Variants in TMEFF2 observed in about 807,000 individuals in gnomAD.
TMEFF2 encodes transmembrane protein with EGF like and two follistatin like domains 2.
TMEFF2 carries 28 observed loss-of-function variants against 53.8 expected under a neutral mutation model. That is an observed-to-expected ratio of 0.52 (90% CI 0.39 to 0.71). The LOEUF (loss-of-function observed/expected upper bound fraction) is 0.71, where lower values mean the gene tolerates loss of function less well. Ranked by LOEUF, TMEFF2 falls within the 30% of genes least tolerant of loss-of-function variation. The pLI, the probability that TMEFF2 is intolerant of heterozygous loss-of-function variation, is 0.00. For missense variants in TMEFF2, 353 were observed against 455.2 expected, an observed-to-expected ratio of 0.78 and a Z score of 2.04; for synonymous variants, 162 against 166.3, an observed-to-expected ratio of 0.97 and a Z score of 0.20.
intron 7 of TMEFF2, among the ~76,000 whole-genome samples, chr2:191,963,711 A>G (rs1574247956): frequency 6.6e-6 from 1 of 152,214 alleles, no homozygotes; most frequent in Non-Finnish European, 1.5e-5. Context: ...GTCTGGCACT[A>G]TGCTATGTGT....
intron 4 of TMEFF2, among the ~76,000 whole-genome samples, chr2:192,175,077 A>G (rs893599102): frequency 3.3e-5 from 5 of 151,786 alleles, no homozygotes; most frequent in African/African-American, 9.7e-5. Context: ...TGCTCAGAAG[A>G]GAATTTACAT....
At chr2:191,986,477 A>G (rs1271401609) in intron 7 of TMEFF2, among the ~76,000 whole-genome samples, 2 of 152,186 alleles carry the variant, frequency 1.3e-5, no homozygotes, top group Non-Finnish European at 2.9e-5. Context: ...ATGAATTTTC[A>G]TCATTCTAAT....
chr2:192,096,381 T>G (rs1688903775), intron 4 of TMEFF2, among the ~76,000 whole-genome samples: 1 of 152,260 alleles, frequency 6.6e-6, no homozygotes, highest in East Asian at 1.9e-4. Context: ...GGTACTATTA[T>G]AAGAGGTTTC....
At chr2:192,171,450 A>G (rs942222442) in intron 4 of TMEFF2, among the ~76,000 whole-genome samples, 1 of 151,920 alleles carries the variant, frequency 6.6e-6, no homozygotes, top group African/African-American at 2.4e-5. Flanking sequence ...TTCTAAAATC[A>G]CCAGTCAGAT....
At chr2:192,017,364 A>G (rs1489073465) in intron 5 of TMEFF2, among the ~76,000 whole-genome samples, 1 of 152,194 alleles carries the variant, frequency 6.6e-6, no homozygotes, top group African/African-American at 2.4e-5. Flanking sequence ...AGAGTTGCCT[A>G]TTTTAGAAGT....
chr2:192,046,418 G>A (rs954793246), intron 5 of TMEFF2, among the ~76,000 whole-genome samples: 5 of 152,032 alleles, frequency 3.3e-5, no homozygotes, highest in Non-Finnish European at 7.4e-5. Context: ...GTAACACCAG[G>A]TAGGTGACAC....
In TMEFF2 at chr2:192,021,424, CAA is replaced by C. The variant is rs1450833067; in HGVS notation, c.537-22218_537-22217del. On this transcript the variant is annotated intron_variant, in intron 5 of 9. Coordinates refer to ENST00000272771, the MANE Select transcript of TMEFF2 (RefSeq NM_016192.4). ...GAAAATGAGAAGATATAGAAAAAGA[CAA>C]AGGGTGAAACAGACACAAGAGAATT... Among the ~76,000 whole-genome samples the C allele has an allele frequency of 2.0e-5, 3 of 151,848 alleles. No individual in the cohort carries two copies. In the South Asian group the frequency reaches 6.3e-4, roughly 32 times the overall value.
At position 192,182,644 on chromosome 2, in the gene TMEFF2, T is replaced by C. The variant is rs141469327; in HGVS notation, c.412+1710A>G. Among the ~76,000 whole-genome samples the C allele has an allele frequency of 2.5e-3, 379 of 152,062 alleles. 3 individuals are homozygous for C. The highest frequency in any genetic ancestry group is 8.4e-3 in the African/African-American group (350 of 41,520). On this transcript the variant is annotated intron_variant, in intron 3 of 9. Transcript: ENST00000272771. ...AAGAGAGATTTTGCTACATTGGCCA[T>C]AACCGTAACTTCTGGTCTGTTTATT...
At chr2:192,070,011 T>TGTCTTC (rs1334084517) in intron 4 of TMEFF2, among the ~76,000 whole-genome samples, 2 of 19,934 alleles carry the variant, frequency 1.0e-4, no homozygotes. Context: ...TATATATATA[T>TGTCTTC]ATATATATAT....
At chr2:192,085,421 C>T (rs1320137401) in intron 4 of TMEFF2, among the ~76,000 whole-genome samples, 5 of 152,108 alleles carry the variant, frequency 3.3e-5, no homozygotes, top group Non-Finnish European at 5.9e-5. Flanking sequence ...ATTTTCTGCA[C>T]ATCAAACAGC....
At chr2:192,019,429 CA>C (rs528237961) in intron 5 of TMEFF2, among the ~76,000 whole-genome samples, 3 of 150,588 alleles carry the variant, frequency 2.0e-5, no homozygotes, top group Non-Finnish European at 4.4e-5. Flanking sequence ...ATTTAAATAA[CA>C]AAAAAAATAA....
At chr2:192,122,640 C>G (rs1237494194) in intron 4 of TMEFF2, among the ~76,000 whole-genome samples, 1 of 151,890 alleles carries the variant, frequency 6.6e-6, no homozygotes, top group African/African-American at 2.4e-5. Context: ...TGAAATTAAC[C>G]GTGCACATCT....
chr2:192,182,428 A>T (rs1156729014), intron 3 of TMEFF2, among the ~76,000 whole-genome samples: 1 of 151,978 alleles, frequency 6.6e-6, no homozygotes, highest in African/African-American at 2.4e-5. Flanking sequence ...TTACTAATTA[A>T]ATCCTGTAGA....
chr2:192,037,273 TAAAGAAAGAAAG>T (rs58233148), intron 5 of TMEFF2, among the ~76,000 whole-genome samples: 1,204 of 94,758 alleles, frequency 0.013, 30 homozygotes, highest in African/African-American at 0.032. Context: ...CTAGCCAAAA[TAAAGAAAGAAAG>T]AAAGAAAGAA....
At chr2:192,016,894 T>C (rs527952204) in intron 5 of TMEFF2, among the ~76,000 whole-genome samples, 1 of 152,242 alleles carries the variant, frequency 6.6e-6, no homozygotes, top group East Asian at 1.9e-4. Context: ...TTTTTTTGGA[T>C]ACAAAGATGG....
At chr2:192,107,378 CA>C (rs1161706223) in intron 4 of TMEFF2, among the ~76,000 whole-genome samples, 2 of 151,668 alleles carry the variant, frequency 1.3e-5, no homozygotes, top group African/African-American at 4.8e-5. Context: ...TTCTTTCTTT[CA>C]GCTAGAGAAC....
chr2:192,056,998 T>C (rs1687926069), intron 5 of TMEFF2, among the ~76,000 whole-genome samples: 1 of 152,216 alleles, frequency 6.6e-6, no homozygotes, highest in Admixed American at 6.5e-5. Context: ...TATTTTGTTA[T>C]AGAAACCCAA....
chr2:192,017,231 G>A (rs1437874422), intron 5 of TMEFF2, among the ~76,000 whole-genome samples: 1 of 152,190 alleles, frequency 6.6e-6, no homozygotes, highest in Admixed American at 6.5e-5. Context: ...GTGGGGCCAG[G>A]TCATGCAGCA....
chr2:191,971,050 C>T (rs1351461420), intron 7 of TMEFF2, among the ~76,000 whole-genome samples: 1 of 152,032 alleles, frequency 6.6e-6, no homozygotes, highest in Non-Finnish European at 1.5e-5. Context: ...CAGTTTTGAA[C>T]AACTGACTTG....
Sources: allele counts gnomAD v4.1 joint callset (sites outside exome capture counted in the v4.1 genomes callset), GRCh38; gene constraint gnomAD v4.1.1; transcripts MANE v1.5; gene names NCBI Gene and HGNC (gene_info 2026-07-23, HGNC 2026-07-21).